Variants in LMNA observed in about 807,000 individuals in gnomAD.
The protein encoded by LMNA is lamin A/C, also known as lamin.
Under a neutral mutation model 70.4 loss-of-function variants are expected in LMNA, and 20 were observed. The ratio of observed to expected loss-of-function variants is 0.28; its 90% confidence interval spans 0.20 to 0.41. The LOEUF (loss-of-function observed/expected upper bound fraction) is 0.41, where lower values mean the gene tolerates loss of function less well. Ranked by LOEUF, LMNA falls within the 10% of genes least tolerant of loss-of-function variation. The probability of loss-of-function intolerance (pLI) is 1.00; values close to 1 mark genes in which losing one functional copy is unlikely to be tolerated. For synonymous variants in LMNA, 339 were observed against 372.8 expected, an observed-to-expected ratio of 0.91 and a Z score of 1.04; for missense variants, 652 against 917.2, an observed-to-expected ratio of 0.71 and a Z score of 3.73.
intron 3 of LMNA, among the ~76,000 whole-genome samples, chr1:156,100,827 C>T (rs115102060): frequency 1.3e-5 from 2 of 152,146 alleles, no homozygotes; most frequent in Non-Finnish European, 2.9e-5. Flanking sequence ...CAGTCTCTAC[C>T]CTTGAGGAGT....
chr1:156,124,490 T>C (rs893345687), intron 1 of LMNA, among the ~76,000 whole-genome samples: 1 of 152,184 alleles, frequency 6.6e-6, no homozygotes, highest in African/African-American at 2.4e-5. Flanking sequence ...GGTTTCACCA[T>C]GCTGGCCAGG....
At position 156,119,165 on chromosome 1, in the gene LMNA, T is replaced by C. The variant is rs377102858; in HGVS notation, c.356+3891T>C. On this transcript the variant is annotated intron_variant, in intron 1 of 11. Coordinates refer to ENST00000368300, the MANE Select transcript of LMNA (RefSeq NM_170707.4). ...ACGGAGTCTTGTTCTGTTGCCAGGCTGGAGTGCAGTGGTGCGATCTCGGCT... is the reference window on the plus strand; with the variant it reads ...ACGGAGTCTTGTTCTGTTGCCAGGCCGGAGTGCAGTGGTGCGATCTCGGCT... Among the ~76,000 whole-genome samples the C allele has an allele frequency of 3.7e-4, 56 of 151,802 alleles. 1 individual carries two copies. Among genetic ancestry groups the C allele is most frequent in the African/African-American group, 1.3e-3 (52 of 41,292 alleles).
intron 1 of LMNA, among the ~76,000 whole-genome samples, chr1:156,117,680 C>T (rs746684861): frequency 6.6e-6 from 1 of 152,224 alleles, no homozygotes; most frequent in Non-Finnish European, 1.5e-5. Context: ...AGGCAGGCAC[C>T]ACCACCCACA....
chr1:156,110,570 C>T (rs2102809711), upstream of LMNA, among the ~76,000 whole-genome samples: 1 of 152,322 alleles, frequency 6.6e-6, no homozygotes, highest in East Asian at 1.9e-4. Context: ...GAGGGCTGGG[C>T]ATGGTGGCTG....
At chr1:156,120,918 A>C (rs571421153) in intron 1 of LMNA, among the ~76,000 whole-genome samples, 19 of 152,068 alleles carry the variant, frequency 1.2e-4, no homozygotes, top group African/African-American at 4.1e-4. Flanking sequence ...GATTGAAAGG[A>C]AGCTGTGCCT....
In LMNA at chr1:156,126,158, G is replaced by A. The variant is rs560423911; in HGVS notation, c.357-4459G>A. 9.2e-6 allele frequency: 14 copies of A among 1,520,480 alleles called. No homozygotes were observed. The South Asian group carries it at 1.5e-4, about 16-fold the overall frequency. 94.2% of individuals were successfully genotyped at this position (1,520,480 alleles called of 1,614,324 possible). A position where few individuals can be genotyped will look rare whatever the true frequency, so the allele number is the denominator to read the frequency against. On this transcript the variant is annotated intron_variant, in intron 1 of 11. Transcript: ENST00000368300. ...GGGAGACAGGAAATGCCCAGGGGCT[G>A]GGAGACCCTCTGCTCTTCTGCTCCC...
chr1:156,138,531 T>G lies in LMNA; in HGVS notation c.1742T>G (p.Leu581Arg). The G allele has an allele frequency of 6.2e-7, 1 of 1,612,572 alleles. No individual in the cohort carries two copies. Among genetic ancestry groups the G allele is most frequent in the South Asian group, 1.1e-5 (1 of 90,974 alleles). The change falls in exon 11 of 12, where the codon CTG (leucine) becomes CGG (arginine). Residue 581 changes from leucine to arginine, a missense_variant. This residue lies in a region of LMNA where 327 missense variants were observed against 387.6 expected (regional missense o/e 0.84). Transcript: ENST00000368300. This position sits in a 1 kb window ranked among gnomAD's most constrained non-coding sequence, Gnocchi z 5.5. ...SSSGDPAEYN[L>R]RSRTVLCGTC... is the part of the protein sequence containing the mutation. ...TCGGGGGACCCCGCTGAGTACAACC[T>G]GCGCTCGCGCACCGTGCTGTGCGGG...
chr1:156,128,427 C>T (rs534617765), intron 1 of LMNA, among the ~76,000 whole-genome samples: 1 of 152,346 alleles, frequency 6.6e-6, no homozygotes, highest in African/African-American at 2.4e-5. Context: ...TTCCTCCTGG[C>T]ACCTAAGGAG....
In LMNA at chr1:156,137,532, G is replaced by A. The variant is rs1572367312; in HGVS notation, c.1609-122G>A. 5 of 948,420 alleles carry A rather than the reference G, an allele frequency of 5.3e-6. No individual in the cohort carries two copies. Among genetic ancestry groups the A allele is most frequent in the Admixed American group, 4.0e-5 (2 of 50,282 alleles). The allele number at this position is 948,420 out of a possible 1,614,324, so 58.8% of individuals were successfully genotyped here. ...TAGCTCCATCACCACAGAGGACAGA[G>A]TAAGCAGCAGGCCGGACAAAGGGCA... On this transcript the variant is annotated intron_variant, in intron 9 of 11. Coordinates refer to ENST00000368300, the MANE Select transcript of LMNA (RefSeq NM_170707.4). This position sits in a 1 kb window ranked among gnomAD's most constrained non-coding sequence, Gnocchi z 4.6.
chr1:156,091,431 G>C (rs7542186), intron 3 of LMNA, among the ~76,000 whole-genome samples: 136,829 of 152,134 alleles, frequency 0.9, 61,578 homozygotes, highest in Admixed American at 0.92. Flanking sequence ...GGAGAAACCC[G>C]GTCTCTACTA....
chr1:156,117,079 A>ATT (rs150049994), intron 1 of LMNA, among the ~76,000 whole-genome samples: 24 of 112,624 alleles, frequency 2.1e-4, no homozygotes, highest in East Asian at 5.4e-4. Context: ...ACACATGGCT[A>ATT]TTTTTTTTTT....
chr1:156,139,681 C>CGCCCCCAGTCCCCACCCCT lies in LMNA; in HGVS notation c.*584_*602dup. 2.0e-6 allele frequency: 3 copies of CGCCCCCAGTCCCCACCCCT among 1,515,302 alleles called. No homozygotes were observed. Among genetic ancestry groups the CGCCCCCAGTCCCCACCCCT allele is most frequent in the Non-Finnish European group, 2.6e-6 (3 of 1,137,418 alleles). 93.9% of individuals were successfully genotyped at this position (1,515,302 alleles called of 1,614,324 possible). A position where few individuals can be genotyped will look rare whatever the true frequency, so the allele number is the denominator to read the frequency against. ...CTGGCTGAGGTTCCTCTGCCTGCCC[C>CGCCCCCAGTCCCCACCCCT]GCCCCCAGTCCCCACCCCTGCCCCC... On this transcript the variant is annotated 3_prime_UTR_variant, in exon 12 of 12. Coordinates refer to ENST00000368300, the MANE Select transcript of LMNA (RefSeq NM_170707.4).
intron 2 of LMNA, among the ~76,000 whole-genome samples, chr1:156,085,647 A>C (rs1459637566): frequency 6.6e-6 from 1 of 152,198 alleles, no homozygotes; most frequent in Non-Finnish European, 1.5e-5. Flanking sequence ...TTAAAACTTC[A>C]TGGTGTCAGG....
At chr1:156,122,800 C>T (rs1572341847) in intron 1 of LMNA, among the ~76,000 whole-genome samples, 2 of 152,212 alleles carry the variant, frequency 1.3e-5, no homozygotes, top group African/African-American at 4.8e-5. Flanking sequence ...TGACCTTGGG[C>T]TGCCCACCTT....
intron 2 of LMNA, among the ~76,000 whole-genome samples, chr1:156,089,648 C>A (rs1445032267): frequency 6.6e-6 from 1 of 150,618 alleles, no homozygotes; most frequent in Non-Finnish European, 1.5e-5. Context: ...CGGAGGGCTA[C>A]AGAGGTTGGG....
At chr1:156,084,341 G>GGGGGGGGGGGGGT in intron 2 of LMNA, among the ~76,000 whole-genome samples, 2 of 127,238 alleles carry the variant, frequency 1.6e-5, no homozygotes, top group Non-Finnish European at 3.4e-5. Flanking sequence ...GGGGTGGTGG[G>GGGGGGGGGGGGGT]GGCAGTTGGC....
At chr1:156,092,468 C>T (rs1403871629) in intron 3 of LMNA, among the ~76,000 whole-genome samples, 3 of 151,598 alleles carry the variant, frequency 2.0e-5, no homozygotes, top group African/African-American at 4.8e-5. Flanking sequence ...CACTTGAGGT[C>T]GGGAGTTTGA....
intron 2 of LMNA, among the ~76,000 whole-genome samples, chr1:156,133,570 CA>C (rs891134616): frequency 4.1e-5 from 6 of 146,202 alleles, no homozygotes; most frequent in Admixed American, 6.8e-5. Context: ...GACTCCATCT[CA>C]AAAAAAAAAT....
chr1:156,116,787 C>T (rs1649855601), intron 1 of LMNA, among the ~76,000 whole-genome samples: 2 of 152,302 alleles, frequency 1.3e-5, no homozygotes, highest in South Asian at 4.1e-4. Context: ...TAGTCTTGAA[C>T]TCCCAACCTC....
Sources: allele counts gnomAD v4.1 joint callset (sites outside exome capture counted in the v4.1 genomes callset), GRCh38; gene constraint gnomAD v4.1.1; regional missense constraint gnomAD v4.1.1; non-coding constraint Gnocchi (gnomAD v3.1); transcripts MANE v1.5; gene names NCBI Gene and HGNC (gene_info 2026-07-23, HGNC 2026-07-21).